Variants in CPEB2 observed in about 807,000 individuals in gnomAD.
CPEB2 encodes cytoplasmic polyadenylation element-binding protein 2.
Under a neutral mutation model 93.6 loss-of-function variants are expected in CPEB2, and 56 were observed. The ratio of observed to expected loss-of-function variants is 0.60; its 90% CI spans 0.48 to 0.75. The LOEUF (loss-of-function observed/expected upper bound fraction) is 0.75. Among genes scored for constraint, CPEB2 ranks in the 30% least tolerant of loss-of-function variants. The pLI, the probability that CPEB2 is intolerant of heterozygous loss-of-function variation, is 0.00. For missense variants in CPEB2, 1,579 were observed against 1,395.1 expected (o/e 1.13, Z -2.10); for synonymous variants, 764 against 586.3 (o/e 1.30, Z -4.38).
chr4:15,008,572 C>A, intron 3 of CPEB2, 145 bp downstream of exon 3: 1 of 458,274 alleles, frequency 2.2e-6, no homozygotes, highest in Non-Finnish European at 3.8e-6. Context: ...TTAAGGATCA[C>A]CTGCTTTGAA....
intron 6 of CPEB2, among the ~76,000 whole-genome samples, chr4:15,045,387 AT>A (rs1330314874): frequency 6.6e-6 from 1 of 152,204 alleles, no homozygotes; most frequent in Non-Finnish European, 1.5e-5. Context: ...ATGTGTGTAT[AT>A]ATACACATAT....
At chr4:15,047,459 T>G (rs1024376096) in intron 6 of CPEB2, among the ~76,000 whole-genome samples, 1 of 152,166 alleles carries the variant, frequency 6.6e-6, no homozygotes, top group Non-Finnish European at 1.5e-5. Context: ...ATTTTCGGTG[T>G]AAAAGTCTTA....
At chr4:15,061,580 A>G (rs1000483311) in intron 10 of CPEB2, among the ~76,000 whole-genome samples, 1 of 151,546 alleles carries the variant, frequency 6.6e-6, no homozygotes, top group Non-Finnish European at 1.5e-5. Flanking sequence ...ATTGGGGGGA[A>G]TACTGGAACA....
rs1208873162 is a variant in CPEB2, at chr4:15,069,464, T to A, written c.*3084T>A. 1 of 152,360 alleles carries A rather than the reference T, an allele frequency of 6.6e-6. No individual in the cohort carries two copies. Among genetic ancestry groups the A allele is most frequent in the Non-Finnish European group, 1.5e-5 (1 of 67,866 alleles). 9.4% of individuals were successfully genotyped at this position (152,360 alleles called of 1,614,324 possible). On this transcript the variant is annotated 3_prime_UTR_variant, in exon 12 of 12. Transcript: ENST00000538197. ...AAGATACCCCTTTTGTCATTGCAAC[T>A]ATTTTTTAAATCCAGAAATCTTTGT...
chr4:15,024,790 G>C (rs1725249121), intron 4 of CPEB2, among the ~76,000 whole-genome samples: 1 of 149,092 alleles, frequency 6.7e-6, no homozygotes, highest in East Asian at 2.0e-4. Flanking sequence ...CTGTTGTCCA[G>C]GCTGGAGTGC....
chr4:15,007,324 C>T lies in CPEB2; in HGVS notation c.1682C>T (p.Pro561Leu), dbSNP rs779538981. The T allele has an allele frequency of 1.3e-6, 2 of 1,542,412 alleles. No individual in the cohort carries two copies. The highest frequency in any genetic ancestry group is 3.5e-4 in the Middle Eastern group (2 of 5,762). Reference protein sequence around the residue: ...NHHQPLLKQSPWSNHQSSGWG... With the variant: ...NHHQPLLKQSLWSNHQSSGWG... ...CCCTAGCCTCTTCTGAAACAGTCTC[C>T]CTGGAGCAACCATCAGAGCAGTGGC... Residue 561 changes from proline (P) to leucine (L), a missense_variant, in exon 2 of 12, where the codon CCC (proline) becomes CTC (leucine). Physicochemically the swap from Pro to Leu is moderately conservative, Grantham distance 98. This residue lies in a region of CPEB2 where 1,411 missense variants were observed against 1,056.0 expected (regional missense o/e 1.34). Transcript: ENST00000538197.
intron 5 of CPEB2, among the ~76,000 whole-genome samples, chr4:15,038,863 A>G (rs1001371161): frequency 2.6e-5 from 4 of 152,184 alleles, no homozygotes; most frequent in African/African-American, 9.7e-5. Flanking sequence ...TGCTGGGATT[A>G]CAGGCATGAC....
intron 4 of CPEB2, among the ~76,000 whole-genome samples, chr4:15,032,387 A>G (rs1407493484): frequency 6.6e-6 from 1 of 152,210 alleles, no homozygotes; most frequent in African/African-American, 2.4e-5. Context: ...TTTATCAAAT[A>G]AGTGTTATGA....
At chr4:15,055,219 T>TG (rs1216005069) in intron 8 of CPEB2, among the ~76,000 whole-genome samples, 25 of 152,174 alleles carry the variant, frequency 1.6e-4, no homozygotes, top group Admixed American at 1.6e-3. Context: ...TTTTAATACT[T>TG]GCAGATTCTA....
intron 5 of CPEB2, among the ~76,000 whole-genome samples, chr4:15,038,494 A>T (rs1726850525): frequency 6.6e-6 from 1 of 152,220 alleles, no homozygotes; most frequent in Non-Finnish European, 1.5e-5. Context: ...CCCAGGGATA[A>T]GCAGGAAGCC....
intron 3 of CPEB2, among the ~76,000 whole-genome samples, chr4:15,013,620 G>C (rs1337636384): frequency 6.6e-6 from 1 of 151,966 alleles, no homozygotes; most frequent in Admixed American, 6.6e-5. Context: ...TTTTTCAGAA[G>C]TCATATTTTA....
chr4:15,017,094 C>T (rs1724240937), intron 3 of CPEB2, 94 bp from the exon 4 acceptor site: 1 of 686,528 alleles, frequency 1.5e-6, no homozygotes, highest in Non-Finnish European at 2.6e-6. Flanking sequence ...AATCAGAAGT[C>T]CTATTTTATG....
rs1473006266 is a variant in CPEB2, at chr4:15,003,434, G to A, written c.761G>A (p.Arg254His). 1.5e-6 allele frequency: 2 copies of A among 1,356,936 alleles called. No homozygotes were observed. Among genetic ancestry groups the A allele is most frequent in the Non-Finnish European group, 1.9e-6 (2 of 1,065,292 alleles). 84.1% of individuals were successfully genotyped at this position (1,356,936 alleles called of 1,614,324 possible). Residue 254 changes from arginine (R) to histidine (H), a missense_variant, in exon 1 of 12, where the codon CGT becomes CAT. Arg to His is a conservative substitution (Grantham distance 29). Coordinates refer to ENST00000538197, the MANE Select transcript of CPEB2 (RefSeq NM_001177382.2). Reference protein sequence around the residue: ...LSPQDFAPRQRPADLPPLPQL... With the variant: ...LSPQDFAPRQHPADLPPLPQL... ...CCGCAGGACTTCGCCCCGCGGCAGCGTCCGGCAGACCTGCCCCCGCTCCCG... is the reference window on the plus strand; with the variant it reads ...CCGCAGGACTTCGCCCCGCGGCAGCATCCGGCAGACCTGCCCCCGCTCCCG...
At position 15,017,262 on chromosome 4, in the gene CPEB2, G is replaced by A. The variant is rs746431193; in HGVS notation, c.2109G>A (p.Glu703=). 1.9e-6 allele frequency: 3 copies of A among 1,589,354 alleles called. No individual in the cohort carries two copies. The highest frequency in any genetic ancestry group is 2.6e-6 in the Non-Finnish European group (3 of 1,160,790). Residue 703 remains glutamate (E), a synonymous_variant, in exon 4 of 12, where the codon GAG becomes GAA. Coordinates refer to ENST00000538197, the MANE Select transcript of CPEB2 (RefSeq NM_001177382.2). ...ENSLIDIMRA[E]HDPLKGRLSY... ...CCCTTATCGATATTATGAGAGCAGA[G>A]CATGATCCTCTTAAGGGTAGGTGAC...
At chr4:15,053,819 G>A (rs1345551904) in intron 7 of CPEB2, among the ~76,000 whole-genome samples, 1 of 151,914 alleles carries the variant, frequency 6.6e-6, no homozygotes, top group African/African-American at 2.4e-5. Flanking sequence ...TCAATCCAGT[G>A]CTATTTGTGG....
chr4:15,002,664 G>A lies in CPEB2; in HGVS notation c.-10G>A. 2.0e-6 allele frequency: 3 copies of A among 1,487,426 alleles called. No individual in the cohort carries two copies. Among genetic ancestry groups the A allele is most frequent in the Non-Finnish European group, 1.8e-6 (2 of 1,118,490 alleles). The allele number at this position is 1,487,426 out of a possible 1,614,324, so 92.1% of individuals were successfully genotyped here. The stretch of plus-strand genomic sequence containing the variant: ...AGGAGCGTCTCCTCCCGCTGCCGGC[G>A]GCCTGATAAATGAGGGATTTCGGGT... On this transcript the variant is annotated 5_prime_UTR_variant, in exon 1 of 12. Coordinates refer to ENST00000538197, the MANE Select transcript of CPEB2 (RefSeq NM_001177382.2).
In CPEB2 at chr4:15,029,493, C is replaced by G. The variant is rs139402494; in HGVS notation, c.2126-3668C>G. On this transcript the variant is annotated intron_variant, in intron 4 of 11. Coordinates refer to ENST00000538197, the MANE Select transcript of CPEB2 (RefSeq NM_001177382.2). The stretch of plus-strand genomic sequence containing the variant: ...TATCTTAATGTGAAAGGAGCCGTGT[C>G]AAGAGCTAGTGTATACTCTTTATTG... Among the ~76,000 whole-genome samples, 385 of 152,048 alleles carry G rather than the reference C, an allele frequency of 2.5e-3. 1 individual carries two copies. The highest frequency in any genetic ancestry group is 8.4e-3 in the African/African-American group (348 of 41,514).
chr4:15,046,456 C>G (rs1207805936), intron 6 of CPEB2, among the ~76,000 whole-genome samples: 1 of 152,138 alleles, frequency 6.6e-6, no homozygotes, highest in Non-Finnish European at 1.5e-5. Flanking sequence ...AAACTCCTCA[C>G]CTCAGGTGAT....
At chr4:15,013,066 TTATC>T (rs529941659) in intron 3 of CPEB2, among the ~76,000 whole-genome samples, 86 of 152,166 alleles carry the variant, frequency 5.7e-4, no homozygotes, top group Admixed American at 1.1e-3. Context: ...TTTTCTTAGG[TTATC>T]TTTTTTCAAG....
Sources: gnomAD v4.1 joint callset for allele counts (sites outside exome capture counted in the v4.1 genomes callset) on GRCh38, gnomAD v4.1.1 for gene constraint, gnomAD v4.1.1 regional missense constraint, MANE v1.5 for transcripts, NCBI Gene and HGNC (gene_info 2026-07-23, HGNC 2026-07-21) for gene names.